Variants in MTUS2 observed in about 807,000 individuals in gnomAD.
MTUS2 encodes the protein microtubule associated scaffold protein 2.
Under a neutral mutation model 114.1 loss-of-function variants are expected in MTUS2, and 40 were observed. The ratio of observed to expected loss-of-function variants is 0.35; its 90% CI spans 0.27 to 0.46. The LOEUF (loss-of-function observed/expected upper bound fraction) is 0.46. MTUS2 is among the 20% of genes least tolerant of loss of function. The probability of loss-of-function intolerance (pLI) is 1.00; values close to 1 mark genes in which losing one functional copy is unlikely to be tolerated. For synonymous variants in MTUS2, 688 were observed against 672.0 expected, an observed-to-expected ratio of 1.02 and a Z score of -0.37; for missense variants, 1,679 against 1,705.4, an observed-to-expected ratio of 0.98 and a Z score of 0.27.
chr13:29,488,711 C>G (rs1881829358), intron 11 of MTUS2, among the ~76,000 whole-genome samples: 1 of 152,204 alleles, frequency 6.6e-6, no homozygotes, highest in Admixed American at 6.5e-5. Flanking sequence ...GCCACTGCAG[C>G]ATCTGGTTGG....
intron 5 of MTUS2, among the ~76,000 whole-genome samples, chr13:29,114,156 C>T (rs928951700): frequency 2.2e-4 from 32 of 147,022 alleles, no homozygotes; most frequent in African/African-American, 7.0e-4. Flanking sequence ...CTGATTAAAC[C>T]TTTTTTTTTT....
chr13:29,001,288 G>A (rs1017425767), intron 2 of MTUS2, among the ~76,000 whole-genome samples: 10 of 152,306 alleles, frequency 6.6e-5, no homozygotes, highest in African/African-American at 2.2e-4. Context: ...TAAACCACAG[G>A]ATGGGATCTG....
chr13:29,356,573 AG>A (rs1869760215), intron 7 of MTUS2, among the ~76,000 whole-genome samples: 1 of 152,170 alleles, frequency 6.6e-6, no homozygotes, highest in Non-Finnish European at 1.5e-5. Flanking sequence ...TGGACAGGAA[AG>A]GGGGTGACAG....
At chr13:29,344,951 C>T (rs1868519322) in intron 7 of MTUS2, among the ~76,000 whole-genome samples, 2 of 152,078 alleles carry the variant, frequency 1.3e-5, no homozygotes, top group African/African-American at 4.8e-5. Flanking sequence ...TCATGGCTGA[C>T]AATTGTTTTG....
chr13:29,381,660 A>T (rs922196878), intron 8 of MTUS2, among the ~76,000 whole-genome samples: 1 of 152,182 alleles, frequency 6.6e-6, no homozygotes, highest in African/African-American at 2.4e-5. Flanking sequence ...TCATTCCAAC[A>T]TCAAAGCCCA....
At chr13:29,250,956 T>C (rs1329523572) in intron 5 of MTUS2, among the ~76,000 whole-genome samples, 2 of 152,190 alleles carry the variant, frequency 1.3e-5, no homozygotes, top group African/African-American at 4.8e-5. Flanking sequence ...GCACTGATAC[T>C]GCTGTTGGGA....
intron 4 of MTUS2, among the ~76,000 whole-genome samples, chr13:29,081,964 G>A (rs1206640150): frequency 2.6e-5 from 4 of 152,224 alleles, no homozygotes; most frequent in East Asian, 3.9e-4. Flanking sequence ...AAGTTTGTCC[G>A]ATTGTGGTGA....
rs548389115 is a variant in MTUS2, at chr13:29,171,351, C to A, written c.2644+70381C>A. Among the ~76,000 whole-genome samples the A allele has an allele frequency of 6.6e-5, 10 of 152,272 alleles. No homozygotes were observed. In the South Asian group the frequency reaches 2.1e-3, roughly 32 times the overall value. ...TTAGTGAATAAGAATCCAGCAGGAC[C>A]TGAATACCTGTGGACTTTGTAGGTT... is the stretch of plus-strand genomic sequence containing the variant. On this transcript the variant is annotated intron_variant, in intron 5 of 15. Transcript: ENST00000612955.
At chr13:29,362,544 G>A (rs984623562) in intron 8 of MTUS2, among the ~76,000 whole-genome samples, 5 of 152,024 alleles carry the variant, frequency 3.3e-5, no homozygotes, top group East Asian at 1.9e-4. Flanking sequence ...AAAATTAGCC[G>A]AGTGTGGTGG....
At chr13:29,337,144 G>T (rs561212016) in intron 7 of MTUS2, among the ~76,000 whole-genome samples, 4 of 152,004 alleles carry the variant, frequency 2.6e-5, no homozygotes, top group Admixed American at 6.5e-5. Flanking sequence ...CTTTCCAGGG[G>T]GGTGAACAGT....
At chr13:29,226,183 T>A (rs1016421249) in intron 5 of MTUS2, among the ~76,000 whole-genome samples, 2 of 152,176 alleles carry the variant, frequency 1.3e-5, no homozygotes, top group African/African-American at 2.4e-5. Context: ...CATGGGGCTG[T>A]CAGATTTACA....
At chr13:28,886,495 G>A (rs1054214281) in intron 2 of MTUS2, among the ~76,000 whole-genome samples, 21 of 152,090 alleles carry the variant, frequency 1.4e-4, no homozygotes, top group African/African-American at 4.6e-4. Context: ...AGGAAGAGAG[G>A]ATTGAGAAGG....
intron 5 of MTUS2, among the ~76,000 whole-genome samples, chr13:29,120,956 T>C (rs992509011): frequency 2.6e-5 from 4 of 152,222 alleles, no homozygotes; most frequent in Non-Finnish European, 5.9e-5. Flanking sequence ...AGTCATGTCA[T>C]GTTTTAAAAT....
At position 29,026,403 on chromosome 13, in the gene MTUS2, T is replaced by G. The variant is rs745447524; in HGVS notation, c.1705T>G (p.Leu569Val). 1.9e-6 allele frequency: 3 copies of G among 1,613,884 alleles called. No homozygotes were observed. In the South Asian group the frequency reaches 3.3e-5, roughly 18 times the overall value. Residue 569 changes from leucine (L) to valine (V), a missense_variant, in exon 3 of 16, where the codon TTG becomes GTG. Transcript: ENST00000612955. ...SVFGMDAGSP[L>V]VVPPPTDSAR... ...GTTCGGTATGGATGCGGGGTCCCCCTTGGTAGTTCCACCCCCTACTGATAG... is the reference window on the plus strand; with the variant it reads ...GTTCGGTATGGATGCGGGGTCCCCCGTGGTAGTTCCACCCCCTACTGATAG...
chr13:29,164,836 C>G (rs1408212079), intron 5 of MTUS2, among the ~76,000 whole-genome samples: 1 of 152,114 alleles, frequency 6.6e-6, no homozygotes, highest in Non-Finnish European at 1.5e-5. Context: ...ATCAGATGCT[C>G]TACTATTAGT....
chr13:29,309,770 T>A (rs1202694468), intron 6 of MTUS2, among the ~76,000 whole-genome samples: 1 of 152,142 alleles, frequency 6.6e-6, no homozygotes, highest in Non-Finnish European at 1.5e-5. Flanking sequence ...GCTAAGCACT[T>A]ATTTTTAATT....
intron 8 of MTUS2, among the ~76,000 whole-genome samples, chr13:29,366,671 T>A (rs1234229988): frequency 7.9e-5 from 12 of 152,054 alleles, no homozygotes; most frequent in Non-Finnish European, 1.8e-4. Flanking sequence ...TTGGGAAAAA[T>A]CATTTAAATA....
At chr13:28,865,775 T>C (rs1054885690) in intron 2 of MTUS2, among the ~76,000 whole-genome samples, 3 of 152,154 alleles carry the variant, frequency 2.0e-5, no homozygotes, top group African/African-American at 7.2e-5. Context: ...GAGCCAGCTA[T>C]CGGGTTTTCC....
At chr13:29,248,991 T>C (rs1274371742) in intron 5 of MTUS2, among the ~76,000 whole-genome samples, 2 of 152,056 alleles carry the variant, frequency 1.3e-5, no homozygotes, top group African/African-American at 2.4e-5. Context: ...TTTGTTCGTT[T>C]GTTCTTTCTT....
Sources: allele counts gnomAD v4.1 joint callset (sites outside exome capture counted in the v4.1 genomes callset), GRCh38; gene constraint gnomAD v4.1.1; transcripts MANE v1.5; gene names NCBI Gene and HGNC (gene_info 2026-07-23, HGNC 2026-07-21).